FAT3: variants seen among roughly 807,000 people sequenced by gnomAD.
FAT3 encodes the protein FAT atypical cadherin 3.
In FAT3, 95 loss-of-function variants were observed where a neutral mutation model predicts 310.2. The ratio of observed to expected loss-of-function variants is 0.31; its 90% CI spans 0.26 to 0.36. The LOEUF is 0.36. Ranked by LOEUF, FAT3 falls within the 10% of genes least tolerant of loss-of-function variation. FAT3 has a pLI of 1.00. For missense variants in FAT3, 5,408 were observed against 5,715.6 expected (o/e 0.95, Z 1.74); for synonymous variants, 2,314 against 2,192.9 (o/e 1.06, Z -1.54).
At chr11:92,680,889 C>T (rs1373192719) in intron 3 of FAT3, among the ~76,000 whole-genome samples, 1 of 152,228 alleles carries the variant, frequency 6.6e-6, no homozygotes, top group African/African-American at 2.4e-5. Flanking sequence ...CTCCCATTCA[C>T]TGTCCTTCTT....
At chr11:92,309,545 T>G (rs932342112) in intron 1 of FAT3, among the ~76,000 whole-genome samples, 11 of 152,134 alleles carry the variant, frequency 7.2e-5, no homozygotes, top group Non-Finnish European at 1.2e-4. Flanking sequence ...GGAAAGTAAT[T>G]ATTCTGCTCC....
rs1393731964 is a variant in FAT3 at position 92,797,889 on chromosome 11, T to C, written c.4876T>C (p.Cys1626Arg). Reference sequence around the variant, plus strand: ...ACCGGTCCTAGGCATCATCACCATTTGCAAAGAACCAGACATGACGACGAT... The same window carrying C: ...ACCGGTCCTAGGCATCATCACCATTCGCAAAGAACCAGACATGACGACGAT... ...IEPVLGIITI[C>R]KEPDMTTMGQ... Residue 1626 changes from cysteine (C) to arginine (R), a missense_variant, in exon 10 of 28, where the codon TGC becomes CGC. Transcript: ENST00000525166. The C allele has an allele frequency of 5.6e-6, 9 of 1,613,940 alleles. No homozygotes were observed. Among genetic ancestry groups the C allele is most frequent in the Non-Finnish European group, 7.6e-6 (9 of 1,179,842 alleles).
intron 2 of FAT3, among the ~76,000 whole-genome samples, chr11:92,458,083 C>T (rs558087467): frequency 6.6e-6 from 1 of 152,298 alleles, no homozygotes; most frequent in Admixed American, 6.5e-5. Context: ...AAGAAAACTT[C>T]TAGTTTTCCC....
At chr11:92,775,857 T>C (rs1187177350) in intron 7 of FAT3, among the ~76,000 whole-genome samples, 3 of 152,286 alleles carry the variant, frequency 2.0e-5, no homozygotes, top group Middle Eastern at 3.4e-3. Context: ...AATTATATGG[T>C]CACCCTATCG....
At chr11:92,268,732 G>A (rs1591031661) in intron 1 of FAT3, among the ~76,000 whole-genome samples, 1 of 152,220 alleles carries the variant, frequency 6.6e-6, no homozygotes, top group Non-Finnish European at 1.5e-5. Flanking sequence ...CATTCATGGA[G>A]ATTGACTAAA....
intron 3 of FAT3, among the ~76,000 whole-genome samples, chr11:92,624,166 C>G (rs935474650): frequency 6.6e-6 from 1 of 152,064 alleles, no homozygotes; most frequent in Non-Finnish European, 1.5e-5. Context: ...GTAACTAAGC[C>G]CTACTGGAGT....
chr11:92,487,755 G>A (rs559515952), intron 2 of FAT3, among the ~76,000 whole-genome samples: 3 of 152,138 alleles, frequency 2.0e-5, no homozygotes, highest in Non-Finnish European at 4.4e-5. Flanking sequence ...ATCTAATAGG[G>A]TTATTATAGC....
At chr11:92,590,301 CA>C (rs1474297667) in intron 3 of FAT3, among the ~76,000 whole-genome samples, 1 of 152,112 alleles carries the variant, frequency 6.6e-6, no homozygotes, top group Non-Finnish European at 1.5e-5. Context: ...CTTGGCCTTT[CA>C]AACTTTAGTT....
intron 1 of FAT3, among the ~76,000 whole-genome samples, chr11:92,271,816 C>A (rs1946130639): frequency 6.6e-6 from 1 of 152,168 alleles, no homozygotes; most frequent in African/African-American, 2.4e-5. Flanking sequence ...TCCCATCAAT[C>A]TTTTAAATGT....
intron 20 of FAT3, among the ~76,000 whole-genome samples, chr11:92,857,824 G>T (rs1170407070): frequency 6.6e-6 from 1 of 152,072 alleles, no homozygotes; most frequent in African/African-American, 2.4e-5. Context: ...CTCCCTACTG[G>T]AAATGTTTAA....
chr11:92,858,731 A>G (rs1411327705), intron 20 of FAT3, among the ~76,000 whole-genome samples: 1 of 152,216 alleles, frequency 6.6e-6, no homozygotes, highest in Non-Finnish European at 1.5e-5. Flanking sequence ...CTTGGGGAAC[A>G]TGGATATCAT....
At chr11:92,297,585 C>A (rs1946883147) in intron 1 of FAT3, among the ~76,000 whole-genome samples, 1 of 152,108 alleles carries the variant, frequency 6.6e-6, no homozygotes, top group East Asian at 1.9e-4. Flanking sequence ...ATTCTCCAGA[C>A]AAAACTCATG....
rs1565601285 is a variant in FAT3 at position 92,797,825 on chromosome 11, C to A, written c.4823-11C>A. On this transcript the variant is annotated splice_polypyrimidine_tract_variant and intron_variant, in intron 9 of 27. Transcript: ENST00000525166. ...ATGTAACTCATTTCACCATTGATTT[C>A]TGTATTTTAGGGAACACTGGGAACA... 6.3e-7 allele frequency: 1 copy of A among 1,599,138 alleles called. No homozygotes were observed. Among genetic ancestry groups the A allele is most frequent in the Non-Finnish European group, 8.5e-7 (1 of 1,169,910 alleles).
chr11:92,306,806 A>G (rs1417100770), intron 1 of FAT3, among the ~76,000 whole-genome samples: 1 of 140,388 alleles, frequency 7.1e-6, no homozygotes, highest in Non-Finnish European at 1.5e-5. Context: ...TATAAATTTG[A>G]GATGAGTCTT....
At chr11:92,881,602 T>A (rs6483200) in intron 23 of FAT3, among the ~76,000 whole-genome samples, 126,707 of 152,146 alleles carry the variant, frequency 0.83, 53,055 homozygotes, top group African/African-American at 0.91. Context: ...TTTCCGGCTG[T>A]CCTCACCTCT....
At chr11:92,258,962 G>A (rs938748142) in intron 1 of FAT3, among the ~76,000 whole-genome samples, 4 of 151,818 alleles carry the variant, frequency 2.6e-5, no homozygotes, top group Admixed American at 2.0e-4. Context: ...GGAGAAAGAT[G>A]GTGGCATTAA....
chr11:92,696,164 G>A (rs535775038), intron 3 of FAT3, among the ~76,000 whole-genome samples: 34 of 151,788 alleles, frequency 2.2e-4, no homozygotes, highest in African/African-American at 7.5e-4. Context: ...AGTTTACAAT[G>A]AAAAAGATAA....
intron 2 of FAT3, among the ~76,000 whole-genome samples, chr11:92,411,109 A>T (rs1316352069): frequency 5.6e-5 from 2 of 35,476 alleles, no homozygotes; most frequent in African/African-American, 1.3e-4. Flanking sequence ...ATTATATATA[A>T]AAATATATAT....
chr11:92,337,577 G>C (rs1591129475), intron 1 of FAT3, among the ~76,000 whole-genome samples: 1 of 152,128 alleles, frequency 6.6e-6, no homozygotes, highest in African/African-American at 2.4e-5. Flanking sequence ...GATTACAGCT[G>C]CCTGCCACCA....
Sources: gnomAD v4.1 joint callset for allele counts (sites outside exome capture counted in the v4.1 genomes callset) on GRCh38, gnomAD v4.1.1 for gene constraint, MANE v1.5 for transcripts, NCBI Gene and HGNC (gene_info 2026-07-23, HGNC 2026-07-21) for gene names.